Variants in VGLL2 observed in about 807,000 individuals in gnomAD.
VGLL2 encodes the protein vestigial like family member 2, also known as transcription cofactor vestigial-like protein 2.
A neutral mutation model predicts 27.0 loss-of-function variants in VGLL2; 18 were observed. That is an observed-to-expected ratio of 0.67 (90% CI 0.46 to 0.99). The LOEUF (loss-of-function observed/expected upper bound fraction) is 0.99, where lower values mean the gene tolerates loss of function less well. Among genes scored for constraint, VGLL2 ranks in the 50% least tolerant of loss-of-function variants. The probability of loss-of-function intolerance (pLI) is 0.00; values close to 1 mark genes in which losing one functional copy is unlikely to be tolerated. For synonymous variants in VGLL2, 220 were observed against 201.1 expected (o/e 1.09, Z -0.80); for missense variants, 491 against 452.3 (o/e 1.09, Z -0.78).
In VGLL2 at chr6:117,265,700, C is replaced by A; in HGVS notation, c.-64C>A. 6.9e-7 allele frequency: 1 copy of A among 1,452,204 alleles called. No homozygotes were observed. Among genetic ancestry groups the A allele is most frequent in the Non-Finnish European group, 9.6e-7 (1 of 1,036,356 alleles). 90.0% of individuals were successfully genotyped at this position (1,452,204 alleles called of 1,614,324 possible). ...GGGTCCAAGCGCCGCCCATGCAGCACCCCTGAGCTCCGGGGAAGGAGAGTT... is the reference window on the plus strand; with the variant it reads ...GGGTCCAAGCGCCGCCCATGCAGCAACCCTGAGCTCCGGGGAAGGAGAGTT... On this transcript the variant is annotated 5_prime_UTR_variant, in exon 1 of 4. Coordinates refer to ENST00000326274, the MANE Select transcript of VGLL2 (RefSeq NM_182645.3).
At chr6:117,268,523 T>A in intron 2 of VGLL2, 32 bp downstream of exon 2, 3 of 1,531,132 alleles carry the variant, frequency 2.0e-6, no homozygotes, top group Non-Finnish European at 2.6e-6. Context: ...GAAGGACCCA[T>A]AGGGGGTCCT....
Position 117,272,455 on chromosome 6 carries a change from T to G in VGLL2, c.915T>G (p.Ala305=). The G allele has an allele frequency of 6.2e-7, 1 of 1,614,192 alleles. No individual in the cohort carries two copies. Among genetic ancestry groups the G allele is most frequent in the Non-Finnish European group, 8.5e-7 (1 of 1,180,036 alleles). Residue 305 remains alanine, a splice_region_variant and synonymous_variant, in exon 4 of 4, where the codon GCT becomes GCG. Coordinates refer to ENST00000326274, the MANE Select transcript of VGLL2 (RefSeq NM_182645.3). ...ACAGCTTCTGATCTTGGTTTGCAGC[T>G]CGTCGTTATTCCCTCTGTGGTGCAT... ...AQGLGLSVDS[A]RRYSLCGASL...
chr6:117,268,136 C>A, intron 1 of VGLL2, 46 bp from the exon 2 acceptor site: 3 of 1,585,548 alleles, frequency 1.9e-6, no homozygotes, highest in Non-Finnish European at 1.7e-6. Context: ...CCGAATTTGC[C>A]ATCGCTTTTG....
chr6:117,266,743 G>A (rs1773075759), intron 1 of VGLL2, among the ~76,000 whole-genome samples: 1 of 152,158 alleles, frequency 6.6e-6, no homozygotes, highest in African/African-American at 2.4e-5. Context: ...TCCCCTCCAG[G>A]TTGGAAAGTG....
chr6:117,268,836 G>T (rs891453706), intron 2 of VGLL2, among the ~76,000 whole-genome samples: 1 of 152,110 alleles, frequency 6.6e-6, no homozygotes, highest in African/African-American at 2.4e-5. Context: ...CCCCAGAGAA[G>T]GCTGTAAGAC....
Position 117,270,877 on chromosome 6 carries a change from G to A in VGLL2, c.726G>A (p.Leu242=). The change falls in exon 3 of 4, where the codon CTG becomes CTA. Residue 242 remains leucine, a synonymous_variant. Transcript: ENST00000326274. The stretch of plus-strand genomic sequence containing the variant: ...ACTTCGACCCGCGCTATGGGCCGCT[G>A]CTGATGCCAGCCGCCTCGGGGCGCC... ...APHFDPRYGP[L]LMPAASGRPA... 7.5e-7 allele frequency: 1 copy of A among 1,339,484 alleles called. No homozygotes were observed. Among genetic ancestry groups the A allele is most frequent in the Non-Finnish European group, 9.6e-7 (1 of 1,044,486 alleles). 83.0% of individuals were successfully genotyped at this position (1,339,484 alleles called of 1,614,324 possible). A position where few individuals can be genotyped will look rare whatever the true frequency, so the allele number is the denominator to read the frequency against.
In VGLL2 at chr6:117,273,484, CA is replaced by C. The variant is rs1773246348; in HGVS notation, c.*991del. The C allele has an allele frequency of 6.6e-6, 1 of 152,052 alleles. No individual in the cohort carries two copies. The highest frequency in any genetic ancestry group is 2.1e-4 in the South Asian group (1 of 4,822). The allele number at this position is 152,052 out of a possible 1,614,324, so 9.4% of individuals were successfully genotyped here. The stretch of plus-strand genomic sequence containing the variant: ...TGATTTGGTCACTTTAGTGTTGGGA[CA>C]GGGGAAAGGGTCTGTGCGTGGGCAA... On this transcript the variant is annotated 3_prime_UTR_variant, in exon 4 of 4. Coordinates refer to ENST00000326274, the MANE Select transcript of VGLL2 (RefSeq NM_182645.3).
chr6:117,269,740 C>T (rs764679337), intron 2 of VGLL2, among the ~76,000 whole-genome samples: 5 of 152,086 alleles, frequency 3.3e-5, no homozygotes, highest in South Asian at 2.1e-4. Context: ...AATGCTGTCA[C>T]GGGCTAGGAA....
rs1362207252 is a variant in VGLL2 at position 117,273,300 on chromosome 6, C to A, written c.*806C>A. On this transcript the variant is annotated 3_prime_UTR_variant, in exon 4 of 4. Coordinates refer to ENST00000326274, the MANE Select transcript of VGLL2 (RefSeq NM_182645.3). ...TGATGAAAGAAGAAACCCTTCTCTG[C>A]CTTCTCTCCCACGAATTCTGTCCCT... The A allele has an allele frequency of 2.6e-5, 4 of 152,170 alleles. No homozygotes were observed. Among genetic ancestry groups the A allele is most frequent in the Non-Finnish European group, 5.9e-5 (4 of 68,050 alleles). The allele number at this position is 152,170 out of a possible 1,614,324, so 9.4% of individuals were successfully genotyped here. A position where few individuals can be genotyped will look rare whatever the true frequency, so the allele number is the denominator to read the frequency against.
chr6:117,268,076 C>A, intron 1 of VGLL2, 106 bp from the exon 2 acceptor site: 1 of 1,197,484 alleles, frequency 8.4e-7, no homozygotes, highest in South Asian at 1.4e-5. Context: ...GCCCATATGC[C>A]AGTTTCCCCA....
In VGLL2 at chr6:117,272,493, G is replaced by T. The variant is rs1773222992; in HGVS notation, c.953G>T (p.Ter318LeuextTer13). Residue 318 changes from the stop codon to leucine (L), a stop_lost, in exon 4 of 4, where the codon TGA (stop) becomes TTA (leucine). Transcript: ENST00000326274. ...CTCTGTGGTGCATCCCTCCTGAGCTGATCTGCTGACCCAGGGTTTCCCCTT... is the reference window on the plus strand; with the variant it reads ...CTCTGTGGTGCATCCCTCCTGAGCTTATCTGCTGACCCAGGGTTTCCCCTT... The part of the protein sequence containing the change: ...YSLCGASLLS[*>L] The T allele has an allele frequency of 1.9e-6, 3 of 1,614,034 alleles. No homozygotes were observed. Among genetic ancestry groups the T allele is most frequent in the African/African-American group, 2.7e-5 (2 of 74,924 alleles).
rs749773271 is a variant in VGLL2, at chr6:117,270,580, C to T, written c.429C>T (p.Ala143=). The change falls in exon 3 of 4, where the codon GCC becomes GCT. Residue 143 remains alanine (A), a synonymous_variant. Transcript: ENST00000326274. ...SFPMSQRSFP[A]SFWNSAYQAP... ...CGATGAGCCAGCGCAGCTTCCCCGC[C>T]TCCTTCTGGAATAGCGCGTACCAGG... 5 of 1,599,142 alleles carry T rather than the reference C, an allele frequency of 3.1e-6. No homozygotes were observed. Among genetic ancestry groups the T allele is most frequent in the African/African-American group, 1.4e-5 (1 of 73,782 alleles).
intron 3 of VGLL2, chr6:117,272,183 C>G: frequency 3.4e-5 from 13 of 385,186 alleles, no homozygotes; most frequent in Non-Finnish European, 4.2e-5. Flanking sequence ...CTCCCTTTGT[C>G]TTCCTCCTCC....
In VGLL2 at chr6:117,265,693, TGCA is replaced by T. The variant is rs1446460722; in HGVS notation, c.-67_-65del. Reference sequence around the variant, plus strand: ...AGAGCGCGGGTCCAAGCGCCGCCCATGCAGCACCCCTGAGCTCCGGGGAAGGAG... The same window carrying T: ...AGAGCGCGGGTCCAAGCGCCGCCCATGCACCCCTGAGCTCCGGGGAAGGAG... On this transcript the variant is annotated 5_prime_UTR_variant, in exon 1 of 4. Transcript: ENST00000326274. The T allele has an allele frequency of 1.4e-6, 2 of 1,392,456 alleles. No homozygotes were observed. Among genetic ancestry groups the T allele is most frequent in the African/African-American group, 2.8e-5 (2 of 70,700 alleles). The allele number at this position is 1,392,456 out of a possible 1,614,324, so 86.3% of individuals were successfully genotyped here.
chr6:117,269,450 A>C (rs975921911), intron 2 of VGLL2, among the ~76,000 whole-genome samples: 1 of 152,150 alleles, frequency 6.6e-6, no homozygotes. Context: ...TTCCCCCTTA[A>C]GAGACGCTGG....
chr6:117,267,704 C>G (rs527891803), intron 1 of VGLL2, among the ~76,000 whole-genome samples: 1 of 152,354 alleles, frequency 6.6e-6, no homozygotes, highest in Admixed American at 6.5e-5. Flanking sequence ...GGGGTTGCCC[C>G]CCGCTCCTAT....
In VGLL2 at chr6:117,272,569, C is replaced by T. The variant is rs757160453; in HGVS notation, c.*75C>T. 1.2e-4 allele frequency: 195 copies of T among 1,607,744 alleles called. No individual in the cohort carries two copies. Among genetic ancestry groups the T allele is most frequent in the Non-Finnish European group, 1.6e-4 (191 of 1,175,846 alleles). On this transcript the variant is annotated 3_prime_UTR_variant, in exon 4 of 4. Coordinates refer to ENST00000326274, the MANE Select transcript of VGLL2 (RefSeq NM_182645.3). The stretch of plus-strand genomic sequence containing the variant: ...AGGCTCAGCATCTGTGCCTCTCACT[C>T]CGTGGATGAGGACATGGGGGAAGGC...
Position 117,265,586 on chromosome 6 carries a change from A to C in VGLL2, c.-178A>C. 1 of 613,790 alleles carries C rather than the reference A, an allele frequency of 1.6e-6. No homozygotes were observed. The highest frequency in any genetic ancestry group is 2.9e-6 in the Non-Finnish European group (1 of 340,846). The allele number at this position is 613,790 out of a possible 1,614,324, so 38.0% of individuals were successfully genotyped here. ...TCTGCCCTGGAGCGCGGTCGGGAGTAAAATCGCAGGAGTGGGAGGGTAGCG... is the reference window on the plus strand; with the variant it reads ...TCTGCCCTGGAGCGCGGTCGGGAGTCAAATCGCAGGAGTGGGAGGGTAGCG... On this transcript the variant is annotated 5_prime_UTR_variant, in exon 1 of 4. Coordinates refer to ENST00000326274, the MANE Select transcript of VGLL2 (RefSeq NM_182645.3).
chr6:117,268,198 C>A lies in VGLL2; in HGVS notation c.98C>A (p.Ser33Tyr). The change falls in exon 2 of 4, where the codon TCC (serine) becomes TAC (tyrosine). Residue 33 changes from serine (S) to tyrosine (Y), a missense_variant. Physicochemically the swap from Ser to Tyr is moderately radical, Grantham distance 144. Coordinates refer to ENST00000326274, the MANE Select transcript of VGLL2 (RefSeq NM_182645.3). ...TPYHQKLAYY[S>Y]KMQEAQECNA... is the part of the protein sequence containing the mutation. Reference sequence around the variant, plus strand: ...TCTGAACAGAAACTAGCCTATTATTCCAAAATGCAGGAAGCGCAGGAGTGC... The same window carrying A: ...TCTGAACAGAAACTAGCCTATTATTACAAAATGCAGGAAGCGCAGGAGTGC... 1 of 1,613,794 alleles carries A rather than the reference C, an allele frequency of 6.2e-7. No individual in the cohort carries two copies. The highest frequency in any genetic ancestry group is 8.5e-7 in the Non-Finnish European group (1 of 1,179,902).
Sources: gnomAD v4.1 joint callset for allele counts (sites outside exome capture counted in the v4.1 genomes callset) on GRCh38, gnomAD v4.1.1 for gene constraint, MANE v1.5 for transcripts, NCBI Gene and HGNC (gene_info 2026-07-23, HGNC 2026-07-21) for gene names.